Variants in CFDP1 observed in about 807,000 individuals in gnomAD.
CFDP1 encodes the protein chromatin remodeling protein CFDP1.
A neutral mutation model predicts 40.1 loss-of-function variants in CFDP1; 31 were observed. The observed-to-expected ratio is 0.77, with a 90% CI of 0.58 to 1.04. CFDP1 has a LOEUF of 1.04. Ranked by LOEUF, CFDP1 falls within the 50% of genes least tolerant of loss-of-function variation. The pLI is 0.00. For missense variants in CFDP1, 423 were observed against 343.4 expected (o/e 1.23, Z -1.83); for synonymous variants, 167 against 120.0 (o/e 1.39, Z -2.56).
At chr16:75,349,852 C>G (rs866324826) in intron 5 of CFDP1, among the ~76,000 whole-genome samples, 3 of 151,042 alleles carry the variant, frequency 2.0e-5, no homozygotes, top group Admixed American at 6.6e-5. Context: ...TCCTTTCTCT[C>G]CAATTTGGAT....
Position 75,346,720 on chromosome 16 carries a change from C to CA in CFDP1, c.651-41539dup, listed in dbSNP as rs10538921. Among the ~76,000 whole-genome samples the CA allele has an allele frequency of 7.9e-3, 1,022 of 129,976 alleles. 10 individuals carry two copies. Among genetic ancestry groups the CA allele is most frequent in the South Asian group, 0.017 (67 of 3,928 alleles). 85.3% of individuals were successfully genotyped at this position (129,976 alleles called of 152,430 possible). A position where few individuals can be genotyped will look rare whatever the true frequency, so the allele number is the denominator to read the frequency against. On this transcript the variant is annotated intron_variant, in intron 5 of 6. Transcript: ENST00000283882. The stretch of plus-strand genomic sequence containing the variant: ...CAAGATAGCTCTAAAATCTTCCACT[C>CA]AAAAAAAAAAAAAAAAAGTCAGCAC...
At chr16:75,416,045 G>A (rs981492322) in intron 1 of CFDP1, among the ~76,000 whole-genome samples, 1 of 152,052 alleles carries the variant, frequency 6.6e-6, no homozygotes, top group Non-Finnish European at 1.5e-5. Context: ...TAGAGATGGG[G>A]TTTTATCATG....
At chr16:75,422,005 C>T (rs1456988768) in intron 1 of CFDP1, among the ~76,000 whole-genome samples, 1 of 152,228 alleles carries the variant, frequency 6.6e-6, no homozygotes. Context: ...AGTTGTTATA[C>T]TGTATTGTTT....
At chr16:75,425,208 G>A (rs552849370) in intron 1 of CFDP1, among the ~76,000 whole-genome samples, 3 of 152,072 alleles carry the variant, frequency 2.0e-5, no homozygotes, top group Non-Finnish European at 4.4e-5. Flanking sequence ...TTTTTCGAGA[G>A]ATGAACAAAG....
chr16:75,363,905 AG>A (rs1291778382), intron 5 of CFDP1, among the ~76,000 whole-genome samples: 1 of 151,440 alleles, frequency 6.6e-6, no homozygotes, highest in East Asian at 1.9e-4. Flanking sequence ...TCACGCCCTC[AG>A]GAAGTTAATA....
intron 5 of CFDP1, among the ~76,000 whole-genome samples, chr16:75,369,845 C>T (rs938796663): frequency 6.6e-6 from 1 of 152,058 alleles, no homozygotes; most frequent in African/African-American, 2.4e-5. Context: ...CTCCGCCTCC[C>T]AGGTTCACGT....
intron 2 of CFDP1, 85 bp from the exon 3 acceptor site, chr16:75,412,839 T>G: frequency 9.3e-7 from 1 of 1,077,130 alleles, no homozygotes; most frequent in South Asian, 1.4e-5. Flanking sequence ...GGTAATCTTA[T>G]AAACCCAAGA....
rs200908301 is a variant in CFDP1, at chr16:75,433,182, C to CT, written c.64+106_64+107insA. The CT allele has an allele frequency of 7.3e-3, 8,181 of 1,115,096 alleles. 76 individuals are homozygous for CT. Among genetic ancestry groups the CT allele is most frequent in the South Asian group, 0.014 (1,050 of 74,254 alleles). The allele number at this position is 1,115,096 out of a possible 1,614,324, so 69.1% of individuals were successfully genotyped here. On this transcript the variant is annotated intron_variant, in intron 1 of 6. Coordinates refer to ENST00000283882, the MANE Select transcript of CFDP1 (RefSeq NM_006324.3). The stretch of plus-strand genomic sequence containing the variant: ...AGCGGACGCTCGAGAACAGGAGCCC[C>CT]CCTGGACCACCTGGGCCACAGGGCA...
chr16:75,348,729 G>T (rs1225817458), intron 5 of CFDP1, among the ~76,000 whole-genome samples: 4 of 152,144 alleles, frequency 2.6e-5, no homozygotes, highest in Admixed American at 2.6e-4. Flanking sequence ...TTCAATCCAT[G>T]AACATTAAAT....
intron 2 of CFDP1, 58 bp downstream of exon 2, chr16:75,414,520 A>C: frequency 2.0e-6 from 2 of 990,332 alleles, no homozygotes; most frequent in Non-Finnish European, 3.2e-6. Flanking sequence ...CAATCTTAGC[A>C]ATCAGGATGG....
At chr16:75,303,323 G>A (rs1386708760) in intron 6 of CFDP1, among the ~76,000 whole-genome samples, 1 of 152,066 alleles carries the variant, frequency 6.6e-6, no homozygotes, top group Admixed American at 6.6e-5. Flanking sequence ...CCAAGATCAC[G>A]CCATTGCACT....
At chr16:75,319,112 C>T (rs575379156) in intron 5 of CFDP1, among the ~76,000 whole-genome samples, 7 of 152,192 alleles carry the variant, frequency 4.6e-5, no homozygotes, top group African/African-American at 1.4e-4. Context: ...GGAGCGATCT[C>T]GGCTCACTGC....
intron 5 of CFDP1, among the ~76,000 whole-genome samples, chr16:75,365,837 T>C (rs2078709783): frequency 6.6e-6 from 1 of 152,142 alleles, no homozygotes; most frequent in Admixed American, 6.5e-5. Flanking sequence ...GCAAATTAAA[T>C]ACAATGAAGT....
intron 5 of CFDP1, among the ~76,000 whole-genome samples, chr16:75,318,628 T>A (rs971169589): frequency 1.3e-5 from 2 of 152,046 alleles, no homozygotes; most frequent in African/African-American, 4.8e-5. Flanking sequence ...ATGGTCTCGA[T>A]CTCCTGACCT....
chr16:75,305,704 G>A (rs1269683437), intron 5 of CFDP1, among the ~76,000 whole-genome samples: 2 of 152,200 alleles, frequency 1.3e-5, no homozygotes, highest in Non-Finnish European at 2.9e-5. Flanking sequence ...CACTGTCATC[G>A]TTTAAGCTTA....
chr16:75,378,859 A>G (rs1205734079), intron 5 of CFDP1, among the ~76,000 whole-genome samples: 3 of 152,204 alleles, frequency 2.0e-5, no homozygotes, highest in African/African-American at 7.2e-5. Context: ...CATAAAATTA[A>G]TATCAACAAA....
chr16:75,389,537 A>T (rs2078930463), intron 5 of CFDP1, among the ~76,000 whole-genome samples: 1 of 152,204 alleles, frequency 6.6e-6, no homozygotes, highest in African/African-American at 2.4e-5. Flanking sequence ...TCTTATCAAA[A>T]GATGTGGGAC....
intron 4 of CFDP1, among the ~76,000 whole-genome samples, chr16:75,408,820 T>C (rs1331703247): frequency 6.6e-6 from 1 of 151,952 alleles, no homozygotes; most frequent in Admixed American, 6.6e-5. Context: ...AAAGTGTGTG[T>C]CTGACATTTA....
At chr16:75,356,902 GC>G (rs2078647658) in intron 5 of CFDP1, among the ~76,000 whole-genome samples, 1 of 129,018 alleles carries the variant, frequency 7.8e-6, no homozygotes, top group Non-Finnish European at 1.6e-5. Context: ...GGAAACAGCT[GC>G]TTTCTTTCTT....
Sources: gnomAD v4.1 joint callset for allele counts (sites outside exome capture counted in the v4.1 genomes callset) on GRCh38, gnomAD v4.1.1 for gene constraint, MANE v1.5 for transcripts, NCBI Gene and HGNC (gene_info 2026-07-23, HGNC 2026-07-21) for gene names.